The following SCFD2 variants were observed in gnomAD, a reference collection of about 807,000 sequenced individuals.
SCFD2 encodes the protein sec1 family domain-containing protein 2.
A neutral mutation model predicts 58.9 loss-of-function variants in SCFD2; 54 were observed. The ratio of observed to expected loss-of-function variants is 0.92; its 90% CI spans 0.74 to 1.15. The LOEUF (loss-of-function observed/expected upper bound fraction) is 1.15. SCFD2 is among the 50% of genes most tolerant of loss of function. The pLI is 0.00. For synonymous variants in SCFD2, 321 were observed against 335.9 expected, an observed-to-expected ratio of 0.96 and a Z score of 0.49; for missense variants, 805 against 836.6, an observed-to-expected ratio of 0.96 and a Z score of 0.47.
intron 2 of SCFD2, among the ~76,000 whole-genome samples, chr4:53,327,033 A>G (rs1290615654): frequency 6.6e-6 from 1 of 151,980 alleles, no homozygotes; most frequent in Non-Finnish European, 1.5e-5. Flanking sequence ...AAAAAACTTC[A>G]TAATTTAATC....
At chr4:52,915,614 G>A (rs2109479872) in intron 6 of SCFD2, among the ~76,000 whole-genome samples, 1 of 152,140 alleles carries the variant, frequency 6.6e-6, no homozygotes, top group Non-Finnish European at 1.5e-5. Context: ...CACCCACCCA[G>A]GCTTCAATCC....
At chr4:53,244,831 AT>A (rs200606003) in intron 4 of SCFD2, among the ~76,000 whole-genome samples, 3,334 of 140,036 alleles carry the variant, frequency 0.024, 131 homozygotes, top group African/African-American at 0.081. Context: ...AAAAAAAAAA[AT>A]AATAATAATA....
chr4:53,154,333 G>T (rs917403131), intron 4 of SCFD2, among the ~76,000 whole-genome samples: 2 of 152,238 alleles, frequency 1.3e-5, no homozygotes, highest in African/African-American at 4.8e-5. Context: ...AAGGCAAAGA[G>T]TGAGCTGGCA....
intron 1 of SCFD2, among the ~76,000 whole-genome samples, chr4:53,353,983 T>C (rs1328829217): frequency 6.6e-6 from 1 of 152,266 alleles, no homozygotes; most frequent in African/African-American, 2.4e-5. Flanking sequence ...AAAAGTTCTC[T>C]AAGTCCCCAC....
chr4:53,330,389 C>G (rs147922485), intron 2 of SCFD2, among the ~76,000 whole-genome samples: 1,810 of 152,168 alleles, frequency 0.012, 37 homozygotes, highest in African/African-American at 0.041. Context: ...AGACTAACAG[C>G]GTATCTCTCA....
chr4:53,231,197 T>C (rs1461046998), intron 4 of SCFD2, among the ~76,000 whole-genome samples: 1 of 152,164 alleles, frequency 6.6e-6, no homozygotes, highest in African/African-American at 2.4e-5. Context: ...CCCTTCTTAA[T>C]ACTGAACAAA....
intron 5 of SCFD2, among the ~76,000 whole-genome samples, chr4:52,971,328 T>G (rs879633573): frequency 6.6e-5 from 10 of 152,298 alleles, no homozygotes; most frequent in Non-Finnish European, 1.2e-4. Context: ...TTAAAGGACC[T>G]GACGGAGCTG....
At chr4:52,884,541 G>A (rs959192622) in intron 8 of SCFD2, among the ~76,000 whole-genome samples, 9 of 152,126 alleles carry the variant, frequency 5.9e-5, no homozygotes, top group Non-Finnish European at 1.3e-4. Context: ...GCAGTGTGTC[G>A]TTTTGTGGCT....
chr4:53,324,927 T>C (rs941028213), intron 2 of SCFD2, among the ~76,000 whole-genome samples: 3 of 152,218 alleles, frequency 2.0e-5, no homozygotes. Context: ...TAATTAACTA[T>C]GTCTTAGTCA....
chr4:53,338,296 T>C (rs1733743673), intron 2 of SCFD2, among the ~76,000 whole-genome samples: 1 of 152,178 alleles, frequency 6.6e-6, no homozygotes, highest in African/African-American at 2.4e-5. Context: ...AAGAGAAGGA[T>C]ACTTAAAAAG....
intron 4 of SCFD2, among the ~76,000 whole-genome samples, chr4:53,258,567 T>C (rs868242807): frequency 0.025 from 1,986 of 80,802 alleles, 96 homozygotes; most frequent in African/African-American, 0.076. Context: ...TATATATATA[T>C]ATATATATAT....
intron 5 of SCFD2, among the ~76,000 whole-genome samples, chr4:53,046,521 A>AT (rs1382292565): frequency 6.6e-6 from 1 of 151,716 alleles, no homozygotes; most frequent in East Asian, 1.9e-4. Context: ...GACCTATACC[A>AT]TTTTTTAAAG....
At chr4:52,951,400 A>T (rs1720589459) in intron 5 of SCFD2, among the ~76,000 whole-genome samples, 2 of 152,140 alleles carry the variant, frequency 1.3e-5, no homozygotes, top group Admixed American at 6.5e-5. Context: ...ACATTGTCTA[A>T]GAGCACAGAA....
At chr4:53,258,478 T>C (rs1730717667) in intron 4 of SCFD2, among the ~76,000 whole-genome samples, 1 of 149,890 alleles carries the variant, frequency 6.7e-6, no homozygotes, top group African/African-American at 2.5e-5. Context: ...CCATCAAGGT[T>C]GCTGCAAATG....
At chr4:52,985,121 C>A (rs555569041) in intron 5 of SCFD2, among the ~76,000 whole-genome samples, 1 of 152,270 alleles carries the variant, frequency 6.6e-6, no homozygotes, top group South Asian at 2.1e-4. Flanking sequence ...TTTAAAATTT[C>A]TCTTGGGGTT....
At chr4:53,311,374 T>C (rs1270201368) in intron 3 of SCFD2, among the ~76,000 whole-genome samples, 1 of 152,154 alleles carries the variant, frequency 6.6e-6, no homozygotes, top group African/African-American at 2.4e-5. Context: ...AAAAAAAATT[T>C]TTTTTTTTGA....
intron 5 of SCFD2, chr4:52,956,301 G>A (rs1468693804): frequency 2.2e-6 from 1 of 455,444 alleles, no homozygotes; most frequent in Non-Finnish European, 4.4e-6. Flanking sequence ...AGGAACCAGA[G>A]GAAAGCAAGG....
intron 4 of SCFD2, among the ~76,000 whole-genome samples, chr4:53,191,448 C>T (rs762991637): frequency 2.6e-5 from 4 of 151,866 alleles, no homozygotes; most frequent in Admixed American, 2.6e-4. Flanking sequence ...ACTCTATCAC[C>T]CAGGCTGGAG....
At chr4:52,949,297 A>G (rs1720524789) in intron 5 of SCFD2, 1 of 152,216 alleles carries the variant, frequency 6.6e-6, no homozygotes, top group African/African-American at 2.4e-5. Flanking sequence ...ACTTCGACTT[A>G]TAAGTCCATA....
Sources: allele counts gnomAD v4.1 joint callset (sites outside exome capture counted in the v4.1 genomes callset), GRCh38; gene constraint gnomAD v4.1.1; transcripts MANE v1.5; gene names NCBI Gene and HGNC (gene_info 2026-07-23, HGNC 2026-07-21).